Variants in RNF150 observed in about 807,000 individuals in gnomAD.
The protein encoded by RNF150 is ring finger protein 150.
RNF150 carries 24 observed loss-of-function variants against 39.3 expected under a neutral mutation model. The ratio of observed to expected loss-of-function variants is 0.61; its 90% CI spans 0.44 to 0.86. The LOEUF is 0.86. RNF150 is among the 40% of genes least tolerant of loss of function. RNF150 has a pLI of 0.00. For synonymous variants in RNF150, 255 were observed against 227.3 expected (o/e 1.12, Z -1.10); for missense variants, 502 against 587.8 (o/e 0.85, Z 1.51).
intron 1 of RNF150, among the ~76,000 whole-genome samples, chr4:141,003,562 C>A (rs1194963859): frequency 3.9e-5 from 4 of 103,714 alleles, no homozygotes; most frequent in African/African-American, 1.3e-4. Context: ...CAATCCCTAG[C>A]ACGTACACAC....
At chr4:141,139,655 G>A (rs1264553835) in intron 1 of RNF150, among the ~76,000 whole-genome samples, 2 of 152,176 alleles carry the variant, frequency 1.3e-5, no homozygotes, top group Non-Finnish European at 2.9e-5. Context: ...ACCACTTAAT[G>A]TACATGCAGG....
chr4:141,159,162 G>A (rs1006029304), intron 1 of RNF150, among the ~76,000 whole-genome samples: 9 of 152,166 alleles, frequency 5.9e-5, no homozygotes, highest in Non-Finnish European at 1.2e-4. Flanking sequence ...CCAGAGGTCA[G>A]TAAACTTTCT....
chr4:140,951,019 T>C (rs550491078), intron 2 of RNF150, among the ~76,000 whole-genome samples: 1 of 152,124 alleles, frequency 6.6e-6, no homozygotes, highest in African/African-American at 2.4e-5. Context: ...AGAACTGAAC[T>C]GAGGTGAACT....
chr4:141,076,643 C>A (rs1160618029), intron 1 of RNF150, among the ~76,000 whole-genome samples: 1 of 151,650 alleles, frequency 6.6e-6, no homozygotes, highest in African/African-American at 2.4e-5. Flanking sequence ...TCCTGACCTC[C>A]CTTATAAAAG....
At chr4:140,996,639 C>A (rs76319822) in intron 1 of RNF150, among the ~76,000 whole-genome samples, 2 of 151,996 alleles carry the variant, frequency 1.3e-5, no homozygotes, top group Non-Finnish European at 2.9e-5. Flanking sequence ...TTAAACGTTA[C>A]GAAAATTATC....
chr4:140,905,400 CAAAG>C (rs1730335795), intron 6 of RNF150, among the ~76,000 whole-genome samples: 1 of 152,064 alleles, frequency 6.6e-6, no homozygotes, highest in Non-Finnish European at 1.5e-5. Context: ...GCATGAATAA[CAAAG>C]AAGCAAGAGA....
Position 141,132,822 on chromosome 4 carries a change from G to C in RNF150, c.-14C>G, listed in dbSNP as rs1726937955. 1.9e-6 allele frequency: 3 copies of C among 1,598,990 alleles called. No individual in the cohort carries two copies. The South Asian group carries it at 3.3e-5, about 18-fold the overall frequency. ...AGACATTGCCATCTTTATCCGCCGG[G>C]GCCCCCTCCCCGCCCCCGCGCCCTC... On this transcript the variant is annotated 5_prime_UTR_variant, in exon 1 of 7. Coordinates refer to ENST00000515673, the MANE Select transcript of RNF150 (RefSeq NM_020724.2). This position sits in a 1 kb window ranked among gnomAD's most constrained non-coding sequence, Gnocchi z 4.9.
chr4:141,143,058 C>G (rs762546286), intron 1 of RNF150, among the ~76,000 whole-genome samples: 15 of 152,030 alleles, frequency 9.9e-5, no homozygotes, highest in Non-Finnish European at 2.2e-4. Context: ...TTAGTAGATA[C>G]GGGGTTTCAC....
At chr4:141,039,143 T>C (rs1274012082) in intron 1 of RNF150, among the ~76,000 whole-genome samples, 1 of 152,104 alleles carries the variant, frequency 6.6e-6, no homozygotes, top group African/African-American at 2.4e-5. Context: ...GAAGAATACC[T>C]GTGTTTGGGC....
At chr4:141,207,466 G>A (rs1728392406) in intron 1 of RNF150, among the ~76,000 whole-genome samples, 2 of 152,128 alleles carry the variant, frequency 1.3e-5, no homozygotes, top group South Asian at 4.1e-4. Context: ...TGGAAAGCAG[G>A]AGAAGAAATG....
chr4:141,135,529 G>A (rs1205555679), upstream of RNF150, among the ~76,000 whole-genome samples: 3 of 152,200 alleles, frequency 2.0e-5, no homozygotes, highest in Admixed American at 2.0e-4. Context: ...CCTAGTAACT[G>A]ATTACAACCT....
intron 1 of RNF150, among the ~76,000 whole-genome samples, chr4:141,181,059 G>T (rs551647929): frequency 9.1e-4 from 138 of 152,224 alleles, no homozygotes; most frequent in African/African-American, 3.2e-3. Context: ...ATAAAAGTCT[G>T]CCCATGCTAG....
intron 1 of RNF150, among the ~76,000 whole-genome samples, chr4:140,992,931 C>T (rs982176905): frequency 1.2e-4 from 19 of 152,076 alleles, no homozygotes; most frequent in African/African-American, 3.4e-4. Context: ...GGGAGGCACC[C>T]GAGAGCAGAG....
chr4:141,138,279 A>G (rs899699497), upstream of RNF150, among the ~76,000 whole-genome samples: 1 of 152,136 alleles, frequency 6.6e-6, no homozygotes, highest in Non-Finnish European at 1.5e-5. Context: ...TATATTTTTC[A>G]TTTTACATTA....
intron 1 of RNF150, among the ~76,000 whole-genome samples, chr4:141,070,895 T>G (rs199624935): frequency 0.24 from 33,691 of 139,318 alleles, 3,864 homozygotes; most frequent in Middle Eastern, 0.39. Flanking sequence ...TATACCCAAA[T>G]GACTATAAAT....
At chr4:141,050,427 T>C (rs573751333) in intron 1 of RNF150, among the ~76,000 whole-genome samples, 3 of 152,282 alleles carry the variant, frequency 2.0e-5, no homozygotes, top group East Asian at 1.9e-4. Flanking sequence ...CAAAAGTCCA[T>C]AGTCCAACAT....
At position 140,906,365 on chromosome 4, in the gene RNF150, T is replaced by C. The variant is rs573325810; in HGVS notation, c.1198+4779A>G. The stretch of plus-strand genomic sequence containing the variant: ...AAAAATAATATAAATAAAAAGTCAA[T>C]ATGCTAGAACAACTATAATATTAGG... On this transcript the variant is annotated intron_variant, in intron 6 of 6. Transcript: ENST00000515673. Among the ~76,000 whole-genome samples the C allele has an allele frequency of 6.6e-5, 10 of 152,114 alleles. No individual in the cohort carries two copies. The South Asian group carries it at 2.1e-3, about 31-fold the overall frequency.
At chr4:141,124,235 C>T (rs1453162370) in intron 1 of RNF150, among the ~76,000 whole-genome samples, 1 of 152,342 alleles carries the variant, frequency 6.6e-6, no homozygotes, top group South Asian at 2.1e-4. Context: ...CACAAGTCTA[C>T]TACTTTCTGA....
intron 4 of RNF150, 28 bp from the exon 5 acceptor site, chr4:140,926,101 C>A (rs377511977): frequency 2.0e-6 from 3 of 1,511,016 alleles, no homozygotes; most frequent in South Asian, 2.2e-5. Context: ...CATCTTAGAG[C>A]GGCGGTAACT....
Sources: gnomAD v4.1 joint callset for allele counts (sites outside exome capture counted in the v4.1 genomes callset) on GRCh38, gnomAD v4.1.1 for gene constraint, Gnocchi (gnomAD v3.1) non-coding constraint, MANE v1.5 for transcripts, NCBI Gene and HGNC (gene_info 2026-07-23, HGNC 2026-07-21) for gene names.